Variants in UBE2E3 observed in about 807,000 individuals in gnomAD.
The protein encoded by UBE2E3 is ubiquitin conjugating enzyme E2 E3.
Under a neutral mutation model 23.6 loss-of-function variants are expected in UBE2E3, and 5 were observed. That is an observed-to-expected ratio of 0.21 (90% confidence interval 0.11 to 0.44). The LOEUF is 0.44. Among genes scored for constraint, UBE2E3 ranks in the 20% least tolerant of loss-of-function variants. UBE2E3 has a pLI of 0.99. For missense variants in UBE2E3, 81 were observed against 249.8 expected (o/e 0.32, Z 4.55); for synonymous variants, 78 against 87.5 (o/e 0.89, Z 0.60).
At chr2:181,058,942 G>C (rs1160134106) in intron 4 of UBE2E3, among the ~76,000 whole-genome samples, 1 of 151,466 alleles carries the variant, frequency 6.6e-6, no homozygotes, top group Admixed American at 6.6e-5. Flanking sequence ...TTGCATATGG[G>C]GAAGATTAAT....
At chr2:181,036,253 G>T (rs1265790148) in intron 3 of UBE2E3, among the ~76,000 whole-genome samples, 1 of 152,010 alleles carries the variant, frequency 6.6e-6, no homozygotes, top group African/African-American at 2.4e-5. Context: ...GAGCCCAGAA[G>T]TAGATCCACA....
chr2:181,023,179 C>T (rs1185335224), intron 3 of UBE2E3, among the ~76,000 whole-genome samples: 1 of 152,156 alleles, frequency 6.6e-6, no homozygotes, highest in East Asian at 1.9e-4. Context: ...TAAGTAGAAA[C>T]ATCAGGAACC....
At chr2:180,999,788 TTA>T (rs1684939520) in intron 3 of UBE2E3, among the ~76,000 whole-genome samples, 1 of 152,216 alleles carries the variant, frequency 6.6e-6, no homozygotes, top group South Asian at 2.1e-4. Flanking sequence ...CTTGAGCAAG[TTA>T]TCTCCTCTGA....
intron 3 of UBE2E3, among the ~76,000 whole-genome samples, chr2:181,015,356 A>AT (rs927687307): frequency 5.3e-5 from 8 of 152,032 alleles, no homozygotes; most frequent in South Asian, 2.1e-4. Context: ...GGTGACTTGC[A>AT]TTTTTTTTAT....
At chr2:181,005,614 A>G (rs1431492598) in intron 3 of UBE2E3, among the ~76,000 whole-genome samples, 1 of 151,498 alleles carries the variant, frequency 6.6e-6, no homozygotes, top group African/African-American at 2.4e-5. Context: ...CACTTAACTA[A>G]TTTATATTAC....
chr2:181,032,968 AC>A (rs1467519578), intron 3 of UBE2E3, among the ~76,000 whole-genome samples: 2 of 152,224 alleles, frequency 1.3e-5, no homozygotes, highest in Non-Finnish European at 2.9e-5. Flanking sequence ...AATCCAACTT[AC>A]AAGGGATATG....
chr2:181,034,974 A>G (rs1235553850), intron 3 of UBE2E3, among the ~76,000 whole-genome samples: 1 of 152,192 alleles, frequency 6.6e-6, no homozygotes, highest in Non-Finnish European at 1.5e-5. Flanking sequence ...TATTAGAGAA[A>G]GGGGAAAGAC....
At chr2:180,985,644 A>G (rs1684439571) in intron 3 of UBE2E3, among the ~76,000 whole-genome samples, 1 of 152,170 alleles carries the variant, frequency 6.6e-6, no homozygotes. Flanking sequence ...TCAAATCTGT[A>G]GCCATTTAGG....
intron 3 of UBE2E3, among the ~76,000 whole-genome samples, chr2:181,029,659 C>CTT (rs61149975): frequency 1.7e-5 from 2 of 116,852 alleles, no homozygotes; most frequent in Non-Finnish European, 3.5e-5. Flanking sequence ...TGTAGACAAT[C>CTT]TTTTTTTTTT....
At chr2:180,985,147 C>G (rs915146683) in intron 3 of UBE2E3, among the ~76,000 whole-genome samples, 1 of 152,080 alleles carries the variant, frequency 6.6e-6, no homozygotes, top group Non-Finnish European at 1.5e-5. Flanking sequence ...TGATTTGATC[C>G]TGATTTATCC....
chr2:181,010,937 T>C (rs1685307903), intron 3 of UBE2E3, among the ~76,000 whole-genome samples: 1 of 152,094 alleles, frequency 6.6e-6, no homozygotes, highest in East Asian at 1.9e-4. Context: ...TACTAGTGAG[T>C]GTCTTGAATT....
chr2:181,007,571 G>A (rs1415407269), intron 3 of UBE2E3, among the ~76,000 whole-genome samples: 1 of 151,344 alleles, frequency 6.6e-6, no homozygotes, highest in Non-Finnish European at 1.5e-5. Context: ...GTTCTCTAAT[G>A]AGATGGAAAT....
chr2:181,036,928 T>A (rs569859373), intron 3 of UBE2E3, among the ~76,000 whole-genome samples: 1 of 152,344 alleles, frequency 6.6e-6, no homozygotes, highest in African/African-American at 2.4e-5. Flanking sequence ...CACATAAAGT[T>A]GCAGTTTCCA....
At chr2:181,042,645 G>C (rs1254068520) in intron 3 of UBE2E3, among the ~76,000 whole-genome samples, 1 of 152,136 alleles carries the variant, frequency 6.6e-6, no homozygotes, top group Non-Finnish European at 1.5e-5. Context: ...CTGGAGCCTT[G>C]AGCAAGCACC....
chr2:181,000,747 G>C (rs1396585841), intron 3 of UBE2E3, among the ~76,000 whole-genome samples: 1 of 151,914 alleles, frequency 6.6e-6, no homozygotes, highest in African/African-American at 2.4e-5. Flanking sequence ...GTAGAGATGG[G>C]GTTTCACCGT....
chr2:181,044,464 A>C (rs922224471), intron 3 of UBE2E3, among the ~76,000 whole-genome samples: 2 of 152,162 alleles, frequency 1.3e-5, no homozygotes, highest in Non-Finnish European at 2.9e-5. Flanking sequence ...AGTGGAAAAA[A>C]AGAATCTTTA....
At chr2:181,027,249 G>A (rs1685923845) in intron 3 of UBE2E3, among the ~76,000 whole-genome samples, 1 of 151,902 alleles carries the variant, frequency 6.6e-6, no homozygotes, top group Non-Finnish European at 1.5e-5. Context: ...TTGTGCATAA[G>A]TTAAATCTTT....
intron 3 of UBE2E3, among the ~76,000 whole-genome samples, chr2:181,011,748 A>AT (rs1685336184): frequency 6.6e-6 from 1 of 152,178 alleles, no homozygotes; most frequent in Non-Finnish European, 1.5e-5. Flanking sequence ...TGTTATAGAA[A>AT]TTGGATCATA....
rs148290757 is a variant in UBE2E3 at position 181,046,156 on chromosome 2, G to T, written c.246-11537G>T. 1.8e-3 allele frequency among the ~76,000 whole-genome samples: 270 copies of T among 152,204 alleles called. 1 individual carries two copies. Among genetic ancestry groups the T allele is most frequent in the African/African-American group, 6.2e-3 (258 of 41,548 alleles). ...CAGTAACACTGAGTACCCCACATAA[G>T]TGCCAGCTATAGTATGAAGCTTTGT... On this transcript the variant is annotated intron_variant, in intron 3 of 5. Transcript: ENST00000410062.
Sources: allele counts gnomAD v4.1 joint callset (sites outside exome capture counted in the v4.1 genomes callset), GRCh38; gene constraint gnomAD v4.1.1; transcripts MANE v1.5; gene names NCBI Gene and HGNC (gene_info 2026-07-23, HGNC 2026-07-21).